Variants in MARCHF8 observed in about 807,000 individuals in gnomAD.
The protein encoded by MARCHF8 is E3 ubiquitin-protein ligase MARCHF8.
A neutral mutation model predicts 51.6 loss-of-function variants in MARCHF8; 40 were observed. That is an observed-to-expected ratio of 0.77 (90% CI 0.60 to 1.01). The LOEUF (loss-of-function observed/expected upper bound fraction) is 1.01. Among genes scored for constraint, MARCHF8 ranks in the 50% least tolerant of loss-of-function variants. The pLI is 0.00. For synonymous variants in MARCHF8, 263 were observed against 280.3 expected, an observed-to-expected ratio of 0.94 and a Z score of 0.62; for missense variants, 685 against 708.6, an observed-to-expected ratio of 0.97 and a Z score of 0.38.
upstream of MARCHF8, among the ~76,000 whole-genome samples, chr10:45,540,127 G>A (rs2044029928): frequency 6.6e-6 from 1 of 152,130 alleles, no homozygotes; most frequent in African/African-American, 2.4e-5. Context: ...TACTGCCCAA[G>A]GTAATTTATA....
intron 1 of MARCHF8, among the ~76,000 whole-genome samples, chr10:45,569,155 C>A (rs965287619): frequency 6.6e-6 from 1 of 151,974 alleles, no homozygotes; most frequent in South Asian, 2.1e-4. Context: ...GAATGCAGCC[C>A]TTAAGCCATG....
At chr10:45,527,032 G>A (rs933609736) in intron 2 of MARCHF8, among the ~76,000 whole-genome samples, 1 of 152,142 alleles carries the variant, frequency 6.6e-6, no homozygotes, top group Non-Finnish European at 1.5e-5. Context: ...TTGGGTCAGT[G>A]ATGAAATTAA....
chr10:45,475,977 G>C (rs1040413100), intron 3 of MARCHF8, among the ~76,000 whole-genome samples: 5 of 152,118 alleles, frequency 3.3e-5, no homozygotes, highest in Non-Finnish European at 7.3e-5. Context: ...TATAGCCAAA[G>C]AAATCATACA....
chr10:45,577,978 T>C (rs1345813147), intron 1 of MARCHF8, among the ~76,000 whole-genome samples: 1 of 152,156 alleles, frequency 6.6e-6, no homozygotes, highest in Admixed American at 6.5e-5. Context: ...GCTATGATCA[T>C]ACCACTGCAT....
At chr10:45,544,773 AC>A (rs1253349089) in intron 1 of MARCHF8, among the ~76,000 whole-genome samples, 1 of 151,988 alleles carries the variant, frequency 6.6e-6, no homozygotes, top group African/African-American at 2.4e-5. Context: ...TTACAATGAC[AC>A]TGCACTACTT....
At chr10:45,557,116 C>CTTT (rs58172142) in intron 1 of MARCHF8, among the ~76,000 whole-genome samples, 10 of 66,216 alleles carry the variant, frequency 1.5e-4, no homozygotes, top group East Asian at 4.8e-4. Flanking sequence ...GGTGCCTATT[C>CTTT]TTTTTTTTTT....
chr10:45,463,049 A>G, intron 5 of MARCHF8, 102 bp downstream of exon 5: 2 of 1,407,312 alleles, frequency 1.4e-6, no homozygotes, highest in Non-Finnish European at 1.9e-6. Context: ...ACTGGTTACA[A>G]CTTCCTATTA....
At position 45,495,451 on chromosome 10, in the gene MARCHF8, T is replaced by C. The variant is rs536609886; in HGVS notation, c.103-6034A>G. On this transcript the variant is annotated intron_variant, in intron 2 of 7. Coordinates refer to ENST00000453424, the MANE Select transcript of MARCHF8 (RefSeq NM_001282866.2). ...GATCTGATGCTTTTGTGAGGACCCA[T>C]TCAAAACTCAGAGTTGACATAATCA... 2.6e-4 allele frequency among the ~76,000 whole-genome samples: 39 copies of C among 152,260 alleles called. No individual in the cohort carries two copies. The South Asian group carries it at 3.1e-3, about 12-fold the overall frequency.
chr10:45,561,938 C>T (rs1476979204), intron 1 of MARCHF8, among the ~76,000 whole-genome samples: 3 of 146,470 alleles, frequency 2.0e-5, no homozygotes, highest in Non-Finnish European at 4.5e-5. Flanking sequence ...TTAAAATGAG[C>T]AAACAACAAA....
chr10:45,526,386 A>C (rs1258109177), intron 2 of MARCHF8, among the ~76,000 whole-genome samples: 1 of 152,200 alleles, frequency 6.6e-6, no homozygotes, highest in African/African-American at 2.4e-5. Flanking sequence ...GGACTTTTGC[A>C]ACGCTAGCTG....
intron 1 of MARCHF8, among the ~76,000 whole-genome samples, chr10:45,577,015 T>G (rs1291806235): frequency 6.7e-6 from 1 of 150,022 alleles, no homozygotes; most frequent in Non-Finnish European, 1.5e-5. Flanking sequence ...AATGCTAATA[T>G]TAAGACTTGA....
At chr10:45,459,861 ACTTTCTTTT>A (rs1316171161) in intron 6 of MARCHF8, 1 of 985,314 alleles carries the variant, frequency 1.0e-6, no homozygotes, top group African/African-American at 1.7e-5. Flanking sequence ...AAATAGCCAG[ACTTTCTTTT>A]TCATTTACTG....
chr10:45,487,627 G>A (rs1464197857), intron 3 of MARCHF8, among the ~76,000 whole-genome samples: 1 of 152,182 alleles, frequency 6.6e-6, no homozygotes, highest in East Asian at 1.9e-4. Context: ...AAAAGAAATG[G>A]AGGTTGGATG....
intron 1 of MARCHF8, among the ~76,000 whole-genome samples, chr10:45,552,278 T>C (rs1330747256): frequency 6.6e-6 from 1 of 151,648 alleles, no homozygotes; most frequent in Non-Finnish European, 1.5e-5. Context: ...CTAGTAGTTT[T>C]ATTACTAACT....
chr10:45,562,894 T>C (rs941047124), intron 1 of MARCHF8, among the ~76,000 whole-genome samples: 5 of 151,936 alleles, frequency 3.3e-5, no homozygotes, highest in Middle Eastern at 3.4e-3. Context: ...TAAAGTACAG[T>C]TGACCCTTTG....
chr10:45,574,008 G>A (rs754613177), intron 1 of MARCHF8, among the ~76,000 whole-genome samples: 4 of 151,920 alleles, frequency 2.6e-5, no homozygotes, highest in Non-Finnish European at 5.9e-5. Context: ...GACTATTCCT[G>A]GGCTACAGCC....
intron 1 of MARCHF8, among the ~76,000 whole-genome samples, chr10:45,555,691 C>A (rs1479020520): frequency 6.7e-6 from 1 of 150,276 alleles, no homozygotes; most frequent in Non-Finnish European, 1.5e-5. Context: ...CTGCAATGAG[C>A]CATGATTACA....
intron 3 of MARCHF8, among the ~76,000 whole-genome samples, chr10:45,474,791 A>G (rs1031064729): frequency 6.6e-6 from 1 of 152,214 alleles, no homozygotes; most frequent in African/African-American, 2.4e-5. Flanking sequence ...CAAGGCAGCC[A>G]AGAGGTTCCC....
Position 45,463,973 on chromosome 10 carries a change from C to G in MARCHF8, c.266G>C (p.Cys89Ser), listed in dbSNP as rs1298858317. 1 of 1,535,608 alleles carries G rather than the reference C, an allele frequency of 6.5e-7. No homozygotes were observed. Among genetic ancestry groups the G allele is most frequent in the Admixed American group, 2.0e-5 (1 of 50,880 alleles). ...AGACTGCACGGAACTGTGGTGACAA[C>G]ACTCAGAAAACACTGCACTGGAACT... ...ICSSSAVFSE[C>S]CHHSSVQSAV... The change falls in exon 5 of 8, where the codon TGT (cysteine) becomes TCT (serine). Residue 89 changes from cysteine (C) to serine (S), a missense_variant. Cys to Ser is a moderately radical substitution (Grantham distance 112). Coordinates refer to ENST00000453424, the MANE Select transcript of MARCHF8 (RefSeq NM_001282866.2).
Sources: allele counts gnomAD v4.1 joint callset (sites outside exome capture counted in the v4.1 genomes callset), GRCh38; gene constraint gnomAD v4.1.1; transcripts MANE v1.5; gene names NCBI Gene and HGNC (gene_info 2026-07-23, HGNC 2026-07-21).